Variants in CD209 observed in about 807,000 individuals in gnomAD.
CD209 encodes the protein CD209 antigen.
CD209 carries 31 observed loss-of-function variants against 44.7 expected under a neutral mutation model. The ratio of observed to expected loss-of-function variants is 0.69; its 90% confidence interval spans 0.52 to 0.94. CD209 has a LOEUF of 0.94. Ranked by LOEUF, CD209 falls within the 40% of genes least tolerant of loss-of-function variation. The pLI is 0.00. For synonymous variants in CD209, 173 were observed against 181.3 expected (o/e 0.95, Z 0.37); for missense variants, 407 against 452.4 (o/e 0.90, Z 0.91).
In CD209 at chr19:7,745,669, C is replaced by T. The variant is rs2033787424; in HGVS notation, c.597G>A (p.Leu199=). ...QQEIYQELTR[L]KAAVGELPEK... ...CTGGAAGCTCACCCACTGCAGCCTT[C>T]AGCCGGGTCAGCTCCTGGTAGATCT... is the stretch of plus-strand genomic sequence containing the variant. Residue 199 remains leucine, a synonymous_variant, in exon 4 of 7, where the codon CTG becomes CTA. Transcript: ENST00000315599. The T allele has an allele frequency of 3.2e-6, 2 of 628,336 alleles. No homozygotes were observed. The highest frequency in any genetic ancestry group is 2.7e-5 in the East Asian group (1 of 37,112). 38.9% of individuals were successfully genotyped at this position (628,336 alleles called of 1,614,324 possible).
intron 2 of CD209, among the ~76,000 whole-genome samples, 165 bp from the exon 3 acceptor site, chr19:7,746,696 C>T (rs1183287593): frequency 1.3e-5 from 2 of 151,644 alleles, no homozygotes; most frequent in East Asian, 3.9e-4. Context: ...CTCCCCAGGA[C>T]CCAGGGACCC....
chr19:7,741,500 A>T lies in CD209; in HGVS notation c.*1539T>A. 1.8e-6 allele frequency: 1 copy of T among 553,740 alleles called. No homozygotes were observed. Among genetic ancestry groups the T allele is most frequent in the Non-Finnish European group, 3.5e-6 (1 of 283,032 alleles). 34.3% of individuals were successfully genotyped at this position (553,740 alleles called of 1,614,324 possible). ...AGCAAGACCCCATCTTTAAAAAAAA[A>T]TAGTAATTAAAAAATAACGTGGGGA... On this transcript the variant is annotated 3_prime_UTR_variant, in exon 7 of 7. Coordinates refer to ENST00000315599, the MANE Select transcript of CD209 (RefSeq NM_021155.4).
chr19:7,742,017 G>A lies in CD209; in HGVS notation c.*1022C>T, dbSNP rs1179062751. ...AGAAATAGTGACCGCAGCGGGGGCCGGTGCAGCCGCAGTGAGAACGGCCGG... is the reference window on the plus strand; with the variant it reads ...AGAAATAGTGACCGCAGCGGGGGCCAGTGCAGCCGCAGTGAGAACGGCCGG... On this transcript the variant is annotated 3_prime_UTR_variant, in exon 7 of 7. Coordinates refer to ENST00000315599, the MANE Select transcript of CD209 (RefSeq NM_021155.4). The A allele has an allele frequency of 4.2e-5, 13 of 312,202 alleles. No individual in the cohort carries two copies. The highest frequency in any genetic ancestry group is 8.5e-5 in the Non-Finnish European group (13 of 152,610). 19.3% of individuals were successfully genotyped at this position (312,202 alleles called of 1,614,324 possible).
In CD209 at chr19:7,745,899, TCTC is replaced by T. The variant is rs1302374686; in HGVS notation, c.364_366del (p.Glu122del). ...TTCAGCCGGGTCAGCTCCTGGTAGA[TCTC>T]CTGCAGCTTAGATTTCTCTGGAAGC... On this transcript the variant is annotated inframe_deletion, in exon 4 of 7. Transcript: ENST00000315599. 3 of 1,613,378 alleles carry T rather than the reference TCTC, an allele frequency of 1.9e-6. No individual in the cohort carries two copies. In the African/African-American group the frequency reaches 4.0e-5, roughly 22 times the overall value.
In CD209 at chr19:7,740,444, C is replaced by T. The variant is rs112559811; in HGVS notation, c.*2595G>A. The T allele has an allele frequency of 2.4e-4, 174 of 715,948 alleles. 3 individuals are homozygous for T. In the African/African-American group the frequency reaches 2.4e-3, roughly 10 times the overall value. The allele number at this position is 715,948 out of a possible 1,614,324, so 44.3% of individuals were successfully genotyped here. A position where few individuals can be genotyped will look rare whatever the true frequency, so the allele number is the denominator to read the frequency against. On this transcript the variant is annotated 3_prime_UTR_variant, in exon 7 of 7. Transcript: ENST00000315599. ...AAAGGATACAACTAGAGGGGCGGGG[C>T]GGTGCCGGCAAGATGGCTGCGCCCG...
Position 7,740,343 on chromosome 19 carries a change from C to T in CD209, c.*2696G>A, listed in dbSNP as rs2033571770. Reference sequence around the variant, plus strand: ...CTGGGGGTCCACGACAACTGAAAAACAACTCGCCATTTTATTACACAAAGT... The same window carrying T: ...CTGGGGGTCCACGACAACTGAAAAATAACTCGCCATTTTATTACACAAAGT... On this transcript the variant is annotated 3_prime_UTR_variant, in exon 7 of 7. Transcript: ENST00000315599. 7.6e-6 allele frequency: 4 copies of T among 525,106 alleles called. No homozygotes were observed. Among genetic ancestry groups the T allele is most frequent in the Non-Finnish European group, 1.4e-5 (4 of 284,996 alleles). The allele number at this position is 525,106 out of a possible 1,614,324, so 32.5% of individuals were successfully genotyped here.
At position 7,744,307 on chromosome 19, in the gene CD209, G is replaced by C. The variant is rs2033726713; in HGVS notation, c.901-88C>G. 5 of 1,023,508 alleles carry C rather than the reference G, an allele frequency of 4.9e-6. No homozygotes were observed. The South Asian group carries it at 6.7e-5, about 14-fold the overall frequency. 63.4% of individuals were successfully genotyped at this position (1,023,508 alleles called of 1,614,324 possible). ...CATCTCTTGGTAGGAAGTTCTGCTT[G>C]TAGGCTAACCTACAGCCTTCTGGTA... On this transcript the variant is annotated intron_variant, in intron 5 of 6. Coordinates refer to ENST00000315599, the MANE Select transcript of CD209 (RefSeq NM_021155.4).
At position 7,741,023 on chromosome 19, in the gene CD209, G is replaced by A. The variant is rs2033593356; in HGVS notation, c.*2016C>T. On this transcript the variant is annotated 3_prime_UTR_variant, in exon 7 of 7. Transcript: ENST00000315599. ...TGTTCACATGATTTCCCAACATCCA[G>A]TCCTACCCTTCTTATTAAAAGCATG... 3 of 742,556 alleles carry A rather than the reference G, an allele frequency of 4.0e-6. No homozygotes were observed. Among genetic ancestry groups the A allele is most frequent in the Non-Finnish European group, 7.2e-6 (3 of 417,250 alleles). The allele number at this position is 742,556 out of a possible 1,614,324, so 46.0% of individuals were successfully genotyped here.
chr19:7,747,323 C>T lies in CD209; in HGVS notation c.89G>A (p.Gly30Glu). ...LRGLGFRQTR[G>E]YKSLAGCLGH... ...CTCTCTACCTGCTAAGCTCTTGTATCCTCGAGTCTGTCGGAATCCAAGGCC... is the reference window on the plus strand; with the variant it reads ...CTCTCTACCTGCTAAGCTCTTGTATTCTCGAGTCTGTCGGAATCCAAGGCC... The change falls in exon 2 of 7, where the codon GGA becomes GAA. Residue 30 changes from glycine to glutamate, a missense_variant. By Grantham distance (98) the Gly-to-Glu change is moderately conservative. Transcript: ENST00000315599. 6.2e-7 allele frequency: 1 copy of T among 1,614,260 alleles called. No homozygotes were observed. Among genetic ancestry groups the T allele is most frequent in the Non-Finnish European group, 8.5e-7 (1 of 1,180,052 alleles).
Position 7,741,871 on chromosome 19 carries a change from GA to G in CD209, c.*1167del. 2.1e-6 allele frequency: 1 copy of G among 469,848 alleles called. No homozygotes were observed. The allele number at this position is 469,848 out of a possible 1,614,324, so 29.1% of individuals were successfully genotyped here. A position where few individuals can be genotyped will look rare whatever the true frequency, so the allele number is the denominator to read the frequency against. ...CACGATGAATACTACAGGCTGCGGG[GA>G]AGGAGAACCCTAGTCCAGACCATTC... On this transcript the variant is annotated 3_prime_UTR_variant, in exon 7 of 7. Coordinates refer to ENST00000315599, the MANE Select transcript of CD209 (RefSeq NM_021155.4).
At chr19:7,747,234 C>G in intron 2 of CD209, 72 bp downstream of exon 2, 1 of 1,485,178 alleles carries the variant, frequency 6.7e-7, no homozygotes. Flanking sequence ...CAGGCCCCAG[C>G]GTCCAGCTCC....
chr19:7,743,082 A>C lies in CD209; in HGVS notation c.1172T>G (p.Phe391Cys), dbSNP rs879741982. 15 of 1,613,972 alleles carry C rather than the reference A, an allele frequency of 9.3e-6. No homozygotes were observed. The highest frequency in any genetic ancestry group is 1.6e-4 in the Middle Eastern group (1 of 6,078). The part of the protein sequence containing the change: ...AASCSRDEEQ[F>C]LSPAPATPNP... ...TGGGGTGGCAGGGGCTGGAGAAAGA[A>C]ACTGTTCTTCATCCCTGGAGCAGGA... Residue 391 changes from phenylalanine to cysteine, a missense_variant, in exon 7 of 7, where the codon TTT (phenylalanine) becomes TGT (cysteine). By Grantham distance (205) the Phe-to-Cys change is radical. Transcript: ENST00000315599.
chr19:7,745,477 G>A (rs758538927), intron 4 of CD209, 41 bp downstream of exon 4: 52 of 1,611,922 alleles, frequency 3.2e-5, no homozygotes, highest in Middle Eastern at 2.2e-4. Context: ...ACCACACAAC[G>A]ACCATCTCAG....
chr19:7,746,499 G>C lies in CD209; in HGVS notation c.139C>G (p.Leu47Val), dbSNP rs1422510649. The C allele has an allele frequency of 6.2e-7, 1 of 1,613,854 alleles. No individual in the cohort carries two copies. The highest frequency in any genetic ancestry group is 8.5e-7 in the Non-Finnish European group (1 of 1,179,826). The change falls in exon 3 of 7, where the codon CTC (leucine) becomes GTC (valine). Residue 47 changes from leucine to valine, a missense_variant. Physicochemically the swap from Leu to Val is conservative, Grantham distance 32 (BLOSUM62 1). Around this residue, in one of 3 missense-constraint regions of CD209, gnomAD observed 122 missense variants for 110.3 expected, o/e 1.11. Transcript: ENST00000315599. ...CCAGCCAAGAGCGTGAAGGAGAGGA[G>C]TTGCAGCACCAGGGGACCATGGCCA... ...CLGHGPLVLQ[L>V]LSFTLLAGLL...
Position 7,740,905 on chromosome 19 carries a change from C to A in CD209, c.*2134G>T. ...GAAAATGGCGCCACATGGCAAAACCCGGAACCCCCCCTTGGATTTCAGAGT... is the reference window on the plus strand; with the variant it reads ...GAAAATGGCGCCACATGGCAAAACCAGGAACCCCCCCTTGGATTTCAGAGT... On this transcript the variant is annotated 3_prime_UTR_variant, in exon 7 of 7. Transcript: ENST00000315599. The A allele has an allele frequency of 1.4e-6, 1 of 733,532 alleles. No individual in the cohort carries two copies. The highest frequency in any genetic ancestry group is 1.5e-5 in the South Asian group (1 of 67,096). 45.4% of individuals were successfully genotyped at this position (733,532 alleles called of 1,614,324 possible).
Position 7,743,155 on chromosome 19 carries a change from C to T in CD209, c.1099G>A (p.Asp367Asn), listed in dbSNP as rs763770706. The change falls in exon 7 of 7, where the codon GAC (aspartate) becomes AAC (asparagine). Residue 367 changes from aspartate to asparagine, a missense_variant. This residue lies in a region of CD209 where 200 missense variants were observed against 202.2 expected (regional missense o/e 0.99). Coordinates refer to ENST00000315599, the MANE Select transcript of CD209 (RefSeq NM_021155.4). ...AEFSGNGWNDDKCNLAKFWIC... is the reference protein window; with the variant it reads ...AEFSGNGWNDNKCNLAKFWIC... ...CAGAATTTGGCAAGATTACATTTGT[C>T]GTCGTTCCAGCCATTGCCACTAAAT... 5.0e-6 allele frequency: 8 copies of T among 1,614,150 alleles called. No homozygotes were observed. Among genetic ancestry groups the T allele is most frequent in the East Asian group, 2.2e-5 (1 of 44,886 alleles).
rs1254245206 is a variant in CD209 at position 7,740,997 on chromosome 19, A to T, written c.*2042T>A. On this transcript the variant is annotated 3_prime_UTR_variant, in exon 7 of 7. Transcript: ENST00000315599. Reference sequence around the variant, plus strand: ...CAGGAGCTTGCAGATTTGGAGATAGATGTTCACATGATTTCCCAACATCCA... The same window carrying T: ...CAGGAGCTTGCAGATTTGGAGATAGTTGTTCACATGATTTCCCAACATCCA... 1.4e-6 allele frequency: 1 copy of T among 710,842 alleles called. No individual in the cohort carries two copies. The highest frequency in any genetic ancestry group is 2.2e-5 in the Admixed American group (1 of 45,470). 44.0% of individuals were successfully genotyped at this position (710,842 alleles called of 1,614,324 possible).
Position 7,744,090 on chromosome 19 carries a change from C to T in CD209, c.1013+17G>A, listed in dbSNP as rs902051941. On this transcript the variant is annotated intron_variant, in intron 6 of 6. Coordinates refer to ENST00000315599, the MANE Select transcript of CD209 (RefSeq NM_021155.4). Reference sequence around the variant, plus strand: ...AATTCCAGCCCCAGTGGATAGGGTGCCCCTTCTGAGATCTACCTGGGCAAC... The same window carrying T: ...AATTCCAGCCCCAGTGGATAGGGTGTCCCTTCTGAGATCTACCTGGGCAAC... The T allele has an allele frequency of 1.3e-6, 2 of 1,581,532 alleles. No individual in the cohort carries two copies. Among genetic ancestry groups the T allele is most frequent in the African/African-American group, 1.3e-5 (1 of 74,424 alleles).
At chr19:7,747,238 C>T (rs1403625358) in intron 2 of CD209, 68 bp downstream of exon 2, 4 of 1,541,702 alleles carry the variant, frequency 2.6e-6, no homozygotes, top group Non-Finnish European at 2.7e-6. Context: ...CCCCAGCGTC[C>T]AGCTCCTCAG....
Sources: gnomAD v4.1 joint callset for allele counts (sites outside exome capture counted in the v4.1 genomes callset) on GRCh38, gnomAD v4.1.1 for gene constraint, gnomAD v4.1.1 regional missense constraint, MANE v1.5 for transcripts, NCBI Gene and HGNC (gene_info 2026-07-23, HGNC 2026-07-21) for gene names.